The following CELF4 variants were observed in gnomAD, a reference collection of about 807,000 sequenced individuals.
The protein encoded by CELF4 is CUGBP Elav-like family member 4.
CELF4 carries 18 observed loss-of-function variants against 59.9 expected under a neutral mutation model. That is an observed-to-expected ratio of 0.30 (90% confidence interval 0.21 to 0.45). The LOEUF is 0.45. CELF4 is among the 20% of genes least tolerant of loss of function. The probability of loss-of-function intolerance (pLI) is 1.00; values close to 1 mark genes in which losing one functional copy is unlikely to be tolerated. For synonymous variants in CELF4, 261 were observed against 267.1 expected (o/e 0.98, Z 0.22); for missense variants, 456 against 689.0 (o/e 0.66, Z 3.79).
intron 1 of CELF4, among the ~76,000 whole-genome samples, chr18:37,512,324 G>A (rs894466629): frequency 2.0e-5 from 3 of 152,320 alleles, no homozygotes; most frequent in African/African-American, 4.8e-5. Flanking sequence ...GATGAGTTCC[G>A]TGGAGCTGCG....
intron 1 of CELF4, among the ~76,000 whole-genome samples, chr18:37,563,629 C>T (rs1376447179): frequency 2.0e-5 from 3 of 152,050 alleles, no homozygotes; most frequent in Non-Finnish European, 4.4e-5. Context: ...TGAAGGCTGC[C>T]TCCCCGTTCC....
intron 2 of CELF4, among the ~76,000 whole-genome samples, chr18:37,391,079 C>T (rs2099156300): frequency 6.6e-6 from 1 of 152,116 alleles, no homozygotes; most frequent in African/African-American, 2.4e-5. Context: ...GCCTGAGGTG[C>T]CACCAGACAG....
chr18:37,487,989 C>T (rs1044408885), intron 1 of CELF4, among the ~76,000 whole-genome samples: 1 of 152,056 alleles, frequency 6.6e-6, no homozygotes, highest in Admixed American at 6.5e-5. Flanking sequence ...AATTTATCTC[C>T]TTCCAGTCTT....
At chr18:37,412,514 A>C (rs1159521133) in intron 2 of CELF4, among the ~76,000 whole-genome samples, 1 of 151,772 alleles carries the variant, frequency 6.6e-6, no homozygotes, top group African/African-American at 2.4e-5. Context: ...GGATGGATGG[A>C]TGCATGCATG....
chr18:37,349,590 C>T (rs1469657916), intron 2 of CELF4, among the ~76,000 whole-genome samples: 5 of 152,194 alleles, frequency 3.3e-5, no homozygotes, highest in Admixed American at 3.3e-4. Context: ...GAAGGACAGG[C>T]AGCCCCTGTG....
chr18:37,564,187 CT>C, intron 1 of CELF4, among the ~76,000 whole-genome samples: 1 of 152,202 alleles, frequency 6.6e-6, no homozygotes, highest in East Asian at 1.9e-4. Context: ...TAGCCCCGTG[CT>C]CCTTCCCTGC....
chr18:37,309,934 A>G (rs1362990330), intron 3 of CELF4, among the ~76,000 whole-genome samples: 1 of 151,162 alleles, frequency 6.6e-6, no homozygotes, highest in Non-Finnish European at 1.5e-5. Flanking sequence ...ACCCCCAGGA[A>G]GCCTTCCTTA....
At chr18:37,522,032 C>T (rs899736804) in intron 1 of CELF4, among the ~76,000 whole-genome samples, 6 of 152,206 alleles carry the variant, frequency 3.9e-5, no homozygotes, top group African/African-American at 1.4e-4. Flanking sequence ...AACCTCTGCT[C>T]ATAACCTTCC....
chr18:37,443,342 G>A (rs2099738457), intron 2 of CELF4, among the ~76,000 whole-genome samples: 1 of 152,060 alleles, frequency 6.6e-6, no homozygotes, highest in Non-Finnish European at 1.5e-5. Context: ...AAACAGGGGA[G>A]TGGGGGGAGG....
chr18:37,412,312 A>G (rs942867592), intron 2 of CELF4, among the ~76,000 whole-genome samples: 2 of 152,218 alleles, frequency 1.3e-5, no homozygotes, highest in South Asian at 2.1e-4. Flanking sequence ...CTGGGGTTCA[A>G]TGAGAAACAC....
intron 1 of CELF4, among the ~76,000 whole-genome samples, chr18:37,497,436 G>A (rs935158919): frequency 4.6e-5 from 7 of 152,130 alleles, no homozygotes; most frequent in Non-Finnish European, 8.8e-5. Context: ...GGCAGATCAC[G>A]AGGTCAGGAG....
intron 1 of CELF4, among the ~76,000 whole-genome samples, chr18:37,503,387 C>T (rs1022447022): frequency 6.6e-6 from 1 of 152,246 alleles, no homozygotes; most frequent in Non-Finnish European, 1.5e-5. Flanking sequence ...GTGGCTGGCA[C>T]TCCAGCCAAC....
chr18:37,345,375 G>T (rs978791746), intron 2 of CELF4, among the ~76,000 whole-genome samples: 2 of 152,154 alleles, frequency 1.3e-5, no homozygotes, highest in African/African-American at 4.8e-5. Flanking sequence ...GGAGAGGGCA[G>T]AACAGAGGGT....
intron 2 of CELF4, among the ~76,000 whole-genome samples, chr18:37,344,238 C>T (rs752438887): frequency 1.6e-4 from 25 of 152,216 alleles, no homozygotes; most frequent in Non-Finnish European, 2.6e-4. Context: ...AGCACATTTC[C>T]CCACTGACCT....
At chr18:37,512,134 G>A (rs894497435) in intron 1 of CELF4, among the ~76,000 whole-genome samples, 1 of 152,312 alleles carries the variant, frequency 6.6e-6, no homozygotes, top group African/African-American at 2.4e-5. Context: ...AGGGACAGTT[G>A]GGGGGCAGGG....
chr18:37,368,230 G>A (rs2098812937), intron 2 of CELF4, among the ~76,000 whole-genome samples: 1 of 152,092 alleles, frequency 6.6e-6, no homozygotes, highest in Non-Finnish European at 1.5e-5. Flanking sequence ...ACTTTGTGAG[G>A]CTTTGGTTTC....
intron 1 of CELF4, among the ~76,000 whole-genome samples, chr18:37,547,557 C>T (rs753571090): frequency 6.6e-6 from 1 of 152,192 alleles, no homozygotes; most frequent in Non-Finnish European, 1.5e-5. Context: ...CTTGGTTAGA[C>T]GAACAGAAAT....
intron 1 of CELF4, among the ~76,000 whole-genome samples, chr18:37,492,308 C>T (rs1786786): frequency 6.6e-6 from 1 of 152,158 alleles, no homozygotes; most frequent in East Asian, 1.9e-4. Context: ...GCCATGGTGC[C>T]TGAAATCACA....
At position 37,244,174 on chromosome 18, in the gene CELF4, T is replaced by TA. The variant is rs397692107; in HGVS notation, c.*1067dup. The stretch of plus-strand genomic sequence containing the variant: ...TTTTTCCTTTTTTATTTTTTTTTTT[T>TA]ATTTTTTGCTTTCCTCTAATTTTTC... On this transcript the variant is annotated 3_prime_UTR_variant, in exon 13 of 13. Coordinates refer to ENST00000420428, the MANE Select transcript of CELF4 (RefSeq NM_020180.4). 2.6e-5 allele frequency: 4 copies of TA among 152,100 alleles called. No individual in the cohort carries two copies. The highest frequency in any genetic ancestry group is 6.6e-5 in the Admixed American group (1 of 15,238). 9.4% of individuals were successfully genotyped at this position (152,100 alleles called of 1,614,324 possible). A position where few individuals can be genotyped will look rare whatever the true frequency, so the allele number is the denominator to read the frequency against.
Sources: allele counts gnomAD v4.1 joint callset (sites outside exome capture counted in the v4.1 genomes callset), GRCh38; gene constraint gnomAD v4.1.1; transcripts MANE v1.5; gene names NCBI Gene and HGNC (gene_info 2026-07-23, HGNC 2026-07-21).